Variants in PRELID2 observed in about 807,000 individuals in gnomAD.
The protein encoded by PRELID2 is PRELI domain-containing protein 2.
A neutral mutation model predicts 28.4 loss-of-function variants in PRELID2; 25 were observed. The ratio of observed to expected loss-of-function variants is 0.88; its 90% CI spans 0.64 to 1.23. The LOEUF is 1.23. Ranked by LOEUF, PRELID2 falls within the 50% of genes most tolerant of loss-of-function variation. PRELID2 has a pLI of 0.00. For synonymous variants in PRELID2, 76 were observed against 71.6 expected (o/e 1.06, Z -0.31); for missense variants, 201 against 214.4 (o/e 0.94, Z 0.39).
At chr5:145,526,491 G>A (rs772421049) in intron 1 of PRELID2, among the ~76,000 whole-genome samples, 14 of 152,256 alleles carry the variant, frequency 9.2e-5, no homozygotes, top group African/African-American at 2.9e-4. Context: ...GAGCAAGCTG[G>A]GCCAGGCCAT....
chr5:145,259,823 G>A, the PRELID2 span, among the ~76,000 whole-genome samples: 1 of 152,158 alleles, frequency 6.6e-6, no homozygotes. Context: ...ATTTTGTAAT[G>A]TGAGAAGAAC....
the PRELID2 span, among the ~76,000 whole-genome samples, chr5:145,323,820 T>G: frequency 2.6e-5 from 4 of 152,212 alleles, no homozygotes; most frequent in African/African-American, 9.6e-5. Flanking sequence ...CTGCATAGTA[T>G]TCCATGGTAG....
chr5:145,714,429 C>CCAG (rs1755788048), intron 1 of PRELID2, among the ~76,000 whole-genome samples: 1 of 152,050 alleles, frequency 6.6e-6, no homozygotes, highest in African/African-American at 2.4e-5. Flanking sequence ...ATCTTCCCTC[C>CCAG]AGGTCAATAA....
the PRELID2 span, among the ~76,000 whole-genome samples, chr5:145,454,224 C>T: frequency 3.3e-5 from 5 of 152,252 alleles, no homozygotes; most frequent in South Asian, 1.0e-3. Context: ...TGACAAAATT[C>T]AACAGCCCTT....
At chr5:145,817,597 A>T (rs1754463124) in intron 4 of PRELID2, among the ~76,000 whole-genome samples, 1 of 151,832 alleles carries the variant, frequency 6.6e-6, no homozygotes, top group Admixed American at 6.6e-5. Flanking sequence ...AAGGATCTAA[A>T]GGTATCTCTT....
chr5:145,269,383 T>C, the PRELID2 span, among the ~76,000 whole-genome samples: 1 of 151,984 alleles, frequency 6.6e-6, no homozygotes, highest in East Asian at 1.9e-4. Flanking sequence ...ACCAAAGTAA[T>C]GTAATTGTGA....
the PRELID2 span, among the ~76,000 whole-genome samples, chr5:145,448,634 C>G: frequency 6.6e-6 from 1 of 152,142 alleles, no homozygotes; most frequent in Admixed American, 6.6e-5. Flanking sequence ...GAAGAGCTAA[C>G]TATCTTATTG....
intron 1 of PRELID2, among the ~76,000 whole-genome samples, chr5:145,527,956 T>G (rs990752461): frequency 1.3e-5 from 2 of 152,140 alleles, no homozygotes; most frequent in Non-Finnish European, 2.9e-5. Context: ...GTTGTCCCAT[T>G]ACCATCATCT....
intron 1 of PRELID2, among the ~76,000 whole-genome samples, chr5:145,736,285 G>A (rs967318943): frequency 5.3e-5 from 8 of 152,244 alleles, no homozygotes; most frequent in Admixed American, 5.2e-4. Context: ...GCTCTTTAAT[G>A]TTTCAATTGA....
At chr5:145,327,454 A>T in the PRELID2 span, among the ~76,000 whole-genome samples, 1 of 151,962 alleles carries the variant, frequency 6.6e-6, no homozygotes, top group Non-Finnish European at 1.5e-5. Context: ...TTTGGCTGCT[A>T]TTTGCATAGA....
chr5:145,625,422 A>G (rs1373663247), intron 1 of PRELID2, among the ~76,000 whole-genome samples: 1 of 152,212 alleles, frequency 6.6e-6, no homozygotes, highest in Non-Finnish European at 1.5e-5. Context: ...CATCATGAAT[A>G]AACCTTAGAA....
chr5:145,485,681 G>A (rs1306792885), intron 1 of PRELID2, among the ~76,000 whole-genome samples: 3 of 152,088 alleles, frequency 2.0e-5, no homozygotes, highest in South Asian at 2.1e-4. Context: ...TCCCACCAAC[G>A]TCTGTCCCTG....
intron 1 of PRELID2, among the ~76,000 whole-genome samples, chr5:145,524,618 T>C (rs371185095): frequency 6.6e-5 from 10 of 152,336 alleles, no homozygotes; most frequent in East Asian, 1.9e-4. Context: ...GCTCAAAAGC[T>C]GATGTGTTTG....
intron 5 of PRELID2, among the ~76,000 whole-genome samples, chr5:145,767,505 G>A (rs1420285120): frequency 6.6e-6 from 1 of 152,112 alleles, no homozygotes; most frequent in African/African-American, 2.4e-5. Context: ...TAACACTTAA[G>A]CCATCTATGA....
At chr5:145,591,412 T>G (rs1430623322) in intron 1 of PRELID2, among the ~76,000 whole-genome samples, 1 of 152,162 alleles carries the variant, frequency 6.6e-6, no homozygotes, top group Non-Finnish European at 1.5e-5. Flanking sequence ...AAAGCAAAAT[T>G]TTTAATATTT....
intron 4 of PRELID2, among the ~76,000 whole-genome samples, chr5:145,809,180 C>T (rs1045015764): frequency 1.9e-4 from 29 of 151,918 alleles, no homozygotes; most frequent in African/African-American, 7.0e-4. Context: ...TAGTTACGAC[C>T]ACAGGCACAC....
chr5:145,374,615 T>C, the PRELID2 span, among the ~76,000 whole-genome samples: 1 of 152,106 alleles, frequency 6.6e-6, no homozygotes. Flanking sequence ...CTTCAGGTAC[T>C]CCAGTCAATC....
intron 1 of PRELID2, among the ~76,000 whole-genome samples, chr5:145,726,275 G>C (rs998255963): frequency 1.4e-5 from 2 of 144,072 alleles, no homozygotes; most frequent in East Asian, 2.0e-4. Flanking sequence ...GGGAAAGAGA[G>C]AAAGAGACAG....
the PRELID2 span, among the ~76,000 whole-genome samples, chr5:145,272,015 G>T: frequency 6.6e-6 from 1 of 152,090 alleles, no homozygotes; most frequent in African/African-American, 2.4e-5. Context: ...TCTGTGGATT[G>T]TCCACCCATT....
Sources: allele counts gnomAD v4.1 joint callset (sites outside exome capture counted in the v4.1 genomes callset), GRCh38; gene constraint gnomAD v4.1.1; transcripts MANE v1.5; gene names NCBI Gene and HGNC (gene_info 2026-07-23, HGNC 2026-07-21).